Variants in SLC30A7 observed in about 807,000 individuals in gnomAD.
SLC30A7 encodes the protein solute carrier family 30 member 7, also known as zinc transporter 7.
Under a neutral mutation model 46.0 loss-of-function variants are expected in SLC30A7, and 35 were observed. The observed-to-expected ratio is 0.76, with a 90% CI of 0.58 to 1.01. The LOEUF (loss-of-function observed/expected upper bound fraction) is 1.01, where lower values mean the gene tolerates loss of function less well. SLC30A7 is among the 50% of genes least tolerant of loss of function. SLC30A7 has a pLI of 0.00. For missense variants in SLC30A7, 464 were observed against 451.1 expected, an observed-to-expected ratio of 1.03 and a Z score of -0.26; for synonymous variants, 147 against 157.8, an observed-to-expected ratio of 0.93 and a Z score of 0.51.
At chr1:100,904,267 C>T (rs753597410) in intron 2 of SLC30A7, among the ~76,000 whole-genome samples, 1 of 152,164 alleles carries the variant, frequency 6.6e-6, no homozygotes, top group Non-Finnish European at 1.5e-5. Flanking sequence ...TTCAAGTTCA[C>T]GGATTTCTTT....
intron 8 of SLC30A7, among the ~76,000 whole-genome samples, chr1:100,944,416 C>A (rs6577216): frequency 0.28 from 42,828 of 151,984 alleles, 6,171 homozygotes; most frequent in Middle Eastern, 0.35. Flanking sequence ...AAGTCAAAAA[C>A]GTGAAAAGCA....
chr1:100,934,256 G>C (rs538557010), intron 8 of SLC30A7, among the ~76,000 whole-genome samples: 1 of 152,310 alleles, frequency 6.6e-6, no homozygotes, highest in Admixed American at 6.5e-5. Context: ...GTTTACACAT[G>C]ATACCTTTAG....
intron 3 of SLC30A7, among the ~76,000 whole-genome samples, chr1:100,908,374 A>G (rs1264663646): frequency 2.0e-5 from 3 of 152,308 alleles, no homozygotes; most frequent in East Asian, 1.9e-4. Flanking sequence ...ATGTAAAAAC[A>G]TGCCTCCTGC....
chr1:100,987,143 C>T, the SLC30A7 span, among the ~76,000 whole-genome samples: 1 of 152,190 alleles, frequency 6.6e-6, no homozygotes, highest in Non-Finnish European at 1.5e-5. Flanking sequence ...TTCCCTACTA[C>T]CACCCTTGGT....
chr1:100,988,100 G>A, the SLC30A7 span, among the ~76,000 whole-genome samples: 4 of 151,084 alleles, frequency 2.6e-5, no homozygotes, highest in East Asian at 3.8e-4. Flanking sequence ...TGCACGGTTT[G>A]AGAGTTAGCT....
intron 8 of SLC30A7, among the ~76,000 whole-genome samples, chr1:100,924,815 T>C (rs996485628): frequency 2.6e-5 from 4 of 152,118 alleles, no homozygotes; most frequent in East Asian, 1.9e-4. Context: ...ATTCCTCTAG[T>C]ATAAATAAGT....
At chr1:100,990,382 C>T in the SLC30A7 span, 1 of 1,605,678 alleles carries the variant, frequency 6.2e-7, no homozygotes, top group East Asian at 2.2e-5. Flanking sequence ...CTGAAATTTA[C>T]ATCAGACAAT....
intron 10 of SLC30A7, among the ~76,000 whole-genome samples, chr1:100,966,163 G>C (rs1011002734): frequency 6.6e-6 from 1 of 151,682 alleles, no homozygotes; most frequent in Non-Finnish European, 1.5e-5. Context: ...AAGAGTTTGA[G>C]GCTGCAGTGG....
chr1:100,993,633 A>T, the SLC30A7 span, among the ~76,000 whole-genome samples: 1 of 136,254 alleles, frequency 7.3e-6, no homozygotes, highest in Non-Finnish European at 1.6e-5. Flanking sequence ...CAAATAGATT[A>T]TTTTACTGAC....
chr1:100,989,165 G>C, the SLC30A7 span, among the ~76,000 whole-genome samples: 1 of 152,160 alleles, frequency 6.6e-6, no homozygotes, highest in Admixed American at 6.5e-5. Flanking sequence ...CTAGTAAGAA[G>C]AGTGTGACTA....
At position 100,922,261 on chromosome 1, in the gene SLC30A7, C is replaced by T. The variant is rs115267343; in HGVS notation, c.842+420C>T. Among the ~76,000 whole-genome samples, 453 of 152,220 alleles carry T rather than the reference C, an allele frequency of 3.0e-3. 4 individuals are homozygous for T. The highest frequency in any genetic ancestry group is 4.2e-3 in the Non-Finnish European group (283 of 67,996). Reference sequence around the variant, plus strand: ...GATTACAGGCATGAGCCACCGCACCCGGCCAGATACCCTTTTCATTTTTAT... The same window carrying T: ...GATTACAGGCATGAGCCACCGCACCTGGCCAGATACCCTTTTCATTTTTAT... On this transcript the variant is annotated intron_variant, in intron 8 of 10. Coordinates refer to ENST00000357650, the MANE Select transcript of SLC30A7 (RefSeq NM_133496.5).
rs1237461044 is a variant in SLC30A7, at chr1:100,965,794, G to A, written c.959G>A (p.Ser320Asn). The change falls in exon 10 of 11, where the codon AGT becomes AAT. Residue 320 changes from serine (S) to asparagine (N), a missense_variant. Ser to Asn is a conservative substitution (Grantham distance 46, BLOSUM62 1). Transcript: ENST00000357650. ...GTACAGCAGTTGCAAGGAGTTTACA[G>A]TTTACAGGAACAGCACTTCTGGACT... ...QRVQQLQGVYSLQEQHFWTLC... is the reference protein window; with the variant it reads ...QRVQQLQGVYNLQEQHFWTLC... 2.5e-6 allele frequency: 4 copies of A among 1,613,864 alleles called. No individual in the cohort carries two copies. Among genetic ancestry groups the A allele is most frequent in the Non-Finnish European group, 3.4e-6 (4 of 1,179,846 alleles).
At chr1:100,904,400 C>T (rs1264986231) in intron 2 of SLC30A7, among the ~76,000 whole-genome samples, 1 of 152,138 alleles carries the variant, frequency 6.6e-6, no homozygotes, top group Non-Finnish European at 1.5e-5. Context: ...CTACCAAATT[C>T]CCCACTGGTT....
intron 8 of SLC30A7, among the ~76,000 whole-genome samples, chr1:100,933,008 G>A (rs1477450584): frequency 1.4e-5 from 2 of 142,122 alleles, no homozygotes; most frequent in Non-Finnish European, 3.0e-5. Context: ...ACGGAGTCTC[G>A]CTCTGTCGCC....
At chr1:100,912,064 A>C in intron 4 of SLC30A7, 48 bp from the exon 5 acceptor site, 1 of 1,534,650 alleles carries the variant, frequency 6.5e-7, no homozygotes, top group Non-Finnish European at 8.9e-7. Flanking sequence ...TTAGTTGATC[A>C]ATCAGAAATA....
chr1:100,943,539 C>T (rs940868865), intron 8 of SLC30A7, among the ~76,000 whole-genome samples: 29 of 152,160 alleles, frequency 1.9e-4, no homozygotes, highest in African/African-American at 4.6e-4. Context: ...AACCTTCAGC[C>T]GCTCTCCCTA....
chr1:100,958,208 G>A (rs368735337), intron 8 of SLC30A7, among the ~76,000 whole-genome samples: 6 of 151,268 alleles, frequency 4.0e-5, no homozygotes, highest in Admixed American at 2.6e-4. Context: ...ATGGAGTCTC[G>A]CTCTGTCACC....
At chr1:100,925,630 G>A (rs1653245138) in intron 8 of SLC30A7, among the ~76,000 whole-genome samples, 2 of 152,270 alleles carry the variant, frequency 1.3e-5, no homozygotes, top group African/African-American at 4.8e-5. Context: ...GGGGAATTAA[G>A]GATAGTTTCT....
rs115725699 is a variant in SLC30A7 at position 100,957,917 on chromosome 1, C to A, written c.843-3911C>A. Among the ~76,000 whole-genome samples the A allele has an allele frequency of 5.3e-3, 807 of 151,628 alleles. 6 individuals carry two copies. Among genetic ancestry groups the A allele is most frequent in the African/African-American group, 0.018 (762 of 41,314 alleles). On this transcript the variant is annotated intron_variant, in intron 8 of 10. Transcript: ENST00000357650. ...AAAGAAAAATGATGGTTGAATTGTA[C>A]CTAATTAATATGCCATCATTTTTTT...
Sources: allele counts gnomAD v4.1 joint callset (sites outside exome capture counted in the v4.1 genomes callset), GRCh38; gene constraint gnomAD v4.1.1; transcripts MANE v1.5; gene names NCBI Gene and HGNC (gene_info 2026-07-23, HGNC 2026-07-21).